The following SLC4A10 variants were observed in gnomAD, a reference collection of about 807,000 sequenced individuals.
SLC4A10 encodes the protein sodium-driven chloride bicarbonate exchanger.
SLC4A10 carries 42 observed loss-of-function variants against 137.7 expected under a neutral mutation model. That is an observed-to-expected ratio of 0.30 (90% CI 0.24 to 0.39). The LOEUF (loss-of-function observed/expected upper bound fraction) is 0.39, where lower values mean the gene tolerates loss of function less well. SLC4A10 is among the 10% of genes least tolerant of loss of function. The pLI is 1.00. For synonymous variants in SLC4A10, 474 were observed against 464.1 expected, an observed-to-expected ratio of 1.02 and a Z score of -0.27; for missense variants, 925 against 1,355.0, an observed-to-expected ratio of 0.68 and a Z score of 4.98.
At position 161,859,594 on chromosome 2, in the gene SLC4A10, C is replaced by CTTTTCTTTTT. The variant is rs2060300861; in HGVS notation, c.578-3276_578-3275insCTTTTTTTTT. On this transcript the variant is annotated intron_variant, in intron 5 of 26. Transcript: ENST00000446997. ...TCCTTTTTTTCTTTTCTTTTCTTTTCTTTTTTTTTTTTTTTTTTTTTTTTG... is the reference window on the plus strand; with the variant it reads ...TCCTTTTTTTCTTTTCTTTTCTTTTCTTTTCTTTTTTTTTTTTTTTTTTTTTTTTTTTTTG... Among the ~76,000 whole-genome samples, 13 of 47,286 alleles carry CTTTTCTTTTT rather than the reference C, an allele frequency of 2.7e-4. No homozygotes were observed. In the East Asian group the frequency reaches 4.2e-3, roughly 15 times the overall value. 31.0% of individuals were successfully genotyped at this position (47,286 alleles called of 152,430 possible).
chr2:161,699,751 T>A (rs986850370), intron 1 of SLC4A10, among the ~76,000 whole-genome samples: 1 of 152,198 alleles, frequency 6.6e-6, no homozygotes, highest in Non-Finnish European at 1.5e-5. Context: ...TCATGGAAGA[T>A]GTTCTTTGTT....
At chr2:161,956,512 A>C (rs1695696141) in intron 19 of SLC4A10, among the ~76,000 whole-genome samples, 2 of 135,754 alleles carry the variant, frequency 1.5e-5, no homozygotes, top group Admixed American at 1.5e-4. Context: ...CCCTCCTCAG[A>C]GAGCACCCTG....
intron 1 of SLC4A10, among the ~76,000 whole-genome samples, chr2:161,694,923 G>A (rs190347847): frequency 1.4e-4 from 21 of 151,598 alleles, no homozygotes; most frequent in Admixed American, 1.2e-3. Context: ...TTATATCTTT[G>A]TGTCCCATAA....
At chr2:161,738,857 C>T (rs992825080) in intron 1 of SLC4A10, among the ~76,000 whole-genome samples, 1 of 152,150 alleles carries the variant, frequency 6.6e-6, no homozygotes, top group African/African-American at 2.4e-5. Flanking sequence ...TCTTAGTCCA[C>T]TCCCATTTAG....
intron 15 of SLC4A10, among the ~76,000 whole-genome samples, chr2:161,928,621 A>AAAAT (rs1689701308): frequency 6.6e-6 from 1 of 150,682 alleles, no homozygotes; most frequent in Non-Finnish European, 1.5e-5. Flanking sequence ...TTCAAGAGCA[A>AAAAT]AAATAAAATC....
At chr2:161,778,382 A>G (rs989091068) in intron 2 of SLC4A10, among the ~76,000 whole-genome samples, 1 of 151,916 alleles carries the variant, frequency 6.6e-6, no homozygotes, top group Non-Finnish European at 1.5e-5. Context: ...TTACATATCT[A>G]TATGTCTTTG....
At chr2:161,901,454 T>C (rs746845156) in intron 12 of SLC4A10, among the ~76,000 whole-genome samples, 5 of 152,192 alleles carry the variant, frequency 3.3e-5, no homozygotes, top group Non-Finnish European at 7.4e-5. Flanking sequence ...AAGAGCTATA[T>C]GATTTATTTT....
intron 1 of SLC4A10, among the ~76,000 whole-genome samples, chr2:161,766,809 G>A (rs1048211786): frequency 1.3e-5 from 2 of 151,172 alleles, no homozygotes; most frequent in Admixed American, 1.3e-4. Context: ...CAATGGCTGT[G>A]AATCCTGTTT....
At chr2:161,877,537 G>A (rs965158382) in intron 8 of SLC4A10, among the ~76,000 whole-genome samples, 9 of 151,924 alleles carry the variant, frequency 5.9e-5, no homozygotes, top group African/African-American at 1.7e-4. Context: ...CATCTTAAAT[G>A]TGTACATTTC....
At chr2:161,912,114 A>G (rs1258146177) in intron 15 of SLC4A10, among the ~76,000 whole-genome samples, 1 of 152,086 alleles carries the variant, frequency 6.6e-6, no homozygotes, top group Non-Finnish European at 1.5e-5. Flanking sequence ...ATTTGTGTTT[A>G]TCTTTCTACC....
chr2:161,704,561 G>T (rs1188932861), intron 1 of SLC4A10, among the ~76,000 whole-genome samples: 1 of 151,400 alleles, frequency 6.6e-6, no homozygotes, highest in African/African-American at 2.4e-5. Flanking sequence ...AAGTCTGTAG[G>T]TATATATTTA....
chr2:161,661,799 G>A (rs1444245531), intron 1 of SLC4A10, among the ~76,000 whole-genome samples: 2 of 151,730 alleles, frequency 1.3e-5, no homozygotes, highest in Non-Finnish European at 2.9e-5. Context: ...AATCTTAGTA[G>A]GAAGTAAAAG....
intron 1 of SLC4A10, among the ~76,000 whole-genome samples, chr2:161,718,246 T>G (rs1415369493): frequency 6.6e-6 from 1 of 152,150 alleles, no homozygotes; most frequent in Admixed American, 6.5e-5. Flanking sequence ...AAAAATCACC[T>G]CCTGGATTCG....
At chr2:161,694,756 C>T (rs1054450706) in intron 1 of SLC4A10, among the ~76,000 whole-genome samples, 6 of 152,012 alleles carry the variant, frequency 3.9e-5, no homozygotes, top group African/African-American at 1.4e-4. Flanking sequence ...AAATGGTAAC[C>T]ATCAGTCAAC....
chr2:161,817,331 GT>G (rs1157648708), intron 3 of SLC4A10, among the ~76,000 whole-genome samples: 2 of 152,060 alleles, frequency 1.3e-5, no homozygotes, highest in African/African-American at 4.8e-5. Context: ...GGGACTGTTT[GT>G]TTTTTTCTTG....
chr2:161,914,405 G>A (rs1559523461), intron 15 of SLC4A10, among the ~76,000 whole-genome samples: 1 of 152,050 alleles, frequency 6.6e-6, no homozygotes, highest in Admixed American at 6.6e-5. Context: ...TAAATATTAT[G>A]AGAAGGGTCA....
chr2:161,701,668 C>A (rs2043129999), intron 1 of SLC4A10, among the ~76,000 whole-genome samples: 1 of 151,808 alleles, frequency 6.6e-6, no homozygotes, highest in Non-Finnish European at 1.5e-5. Flanking sequence ...AATACTAGAA[C>A]TGATTCCTTC....
intron 1 of SLC4A10, among the ~76,000 whole-genome samples, chr2:161,626,404 G>A (rs772972005): frequency 6.6e-6 from 1 of 152,092 alleles, no homozygotes; most frequent in African/African-American, 2.4e-5. Context: ...CTGAAAAGAA[G>A]GTCTACAATA....
intron 12 of SLC4A10, among the ~76,000 whole-genome samples, chr2:161,903,043 C>T (rs767726390): frequency 3.9e-5 from 6 of 152,078 alleles, no homozygotes; most frequent in Non-Finnish European, 8.8e-5. Flanking sequence ...TGGAGCAAAA[C>T]TTACAGTAGC....
Sources: gnomAD v4.1 joint callset for allele counts (sites outside exome capture counted in the v4.1 genomes callset) on GRCh38, gnomAD v4.1.1 for gene constraint, MANE v1.5 for transcripts, NCBI Gene and HGNC (gene_info 2026-07-23, HGNC 2026-07-21) for gene names.